NCOR1: variants seen among roughly 807,000 people sequenced by gnomAD.
NCOR1 encodes nuclear receptor corepressor 1.
In NCOR1, 63 loss-of-function variants were observed where a neutral mutation model predicts 288.1. That is an observed-to-expected ratio of 0.22 (90% confidence interval 0.18 to 0.27). The LOEUF is 0.27. Among genes scored for constraint, NCOR1 ranks in the 10% least tolerant of loss-of-function variants. NCOR1 has a pLI of 1.00. For missense variants in NCOR1, 2,397 were observed against 3,019.2 expected (o/e 0.79, Z 4.83); for synonymous variants, 1,007 against 1,065.9 (o/e 0.94, Z 1.08).
chr17:16,138,265 A>T (rs1302560713), intron 12 of NCOR1, 53 bp from the exon 13 acceptor site: 1 of 593,222 alleles, frequency 1.7e-6, no homozygotes, highest in Admixed American at 3.8e-5. Flanking sequence ...TTCAACAACT[A>T]AAAAAAAAAA....
At chr17:16,193,481 C>T (rs1032501859) in intron 2 of NCOR1, among the ~76,000 whole-genome samples, 1 of 152,162 alleles carries the variant, frequency 6.6e-6, no homozygotes, top group African/African-American at 2.4e-5. Context: ...GATCCACCCA[C>T]CTCAGCCTCC....
At chr17:16,212,078 C>A (rs777156624) in intron 1 of NCOR1, among the ~76,000 whole-genome samples, 1 of 151,898 alleles carries the variant, frequency 6.6e-6, no homozygotes. Context: ...GAGTTCAAGA[C>A]CAGCCTGACC....
rs1383752798 is a variant in NCOR1 at position 16,030,139 on chromosome 17, AAAGT to A, written c.*2153_*2156del. The stretch of plus-strand genomic sequence containing the variant: ...GTATTATATACTGTATTCTTACAAT[AAAGT>A]AAGCTAGAGAAGAGAAAATGTTTGT... On this transcript the variant is annotated 3_prime_UTR_variant, in exon 46 of 46. Transcript: ENST00000268712. 6 of 189,092 alleles carry A rather than the reference AAAGT, an allele frequency of 3.2e-5. No homozygotes were observed. Among genetic ancestry groups the A allele is most frequent in the Non-Finnish European group, 4.4e-5 (4 of 90,292 alleles). The allele number at this position is 189,092 out of a possible 1,614,324, so 11.7% of individuals were successfully genotyped here. A position where few individuals can be genotyped will look rare whatever the true frequency, so the allele number is the denominator to read the frequency against.
At chr17:16,130,473 G>T (rs765335145) in intron 14 of NCOR1, among the ~76,000 whole-genome samples, 10 of 152,076 alleles carry the variant, frequency 6.6e-5, no homozygotes, top group African/African-American at 2.4e-4. Flanking sequence ...GCAATGGCTC[G>T]TTGTCCAGGT....
At chr17:16,111,388 G>A (rs922103793) in intron 18 of NCOR1, among the ~76,000 whole-genome samples, 2 of 152,100 alleles carry the variant, frequency 1.3e-5, no homozygotes, top group East Asian at 3.9e-4. Context: ...GATAACTTGA[G>A]GCCAGGAGTT....
At position 16,057,942 on chromosome 17, in the gene NCOR1, T is replaced by A; in HGVS notation, c.6133A>T (p.Thr2045Ser). 1 of 1,614,108 alleles carries A rather than the reference T, an allele frequency of 6.2e-7. No homozygotes were observed. The highest frequency in any genetic ancestry group is 8.5e-7 in the Non-Finnish European group (1 of 1,180,002). Reference protein sequence around the residue: ...QAEGMGQVPRTHRLITLADHI... With the variant: ...QAEGMGQVPRSHRLITLADHI... ...TCAGCAAGTGTGATCAGCCGATGGG[T>A]CCTGGGCACTTGCCCCATTCCCTCT... is the stretch of plus-strand genomic sequence containing the variant. The change falls in exon 39 of 46, where the codon ACC (threonine) becomes TCC (serine). Residue 2045 changes from threonine (T) to serine (S), a missense_variant. Thr to Ser is a moderately conservative substitution (Grantham distance 58). Transcript: ENST00000268712.
At chr17:16,070,141 G>C (rs767705435) in intron 31 of NCOR1, 24 bp downstream of exon 31, 3 of 1,539,354 alleles carry the variant, frequency 1.9e-6, no homozygotes, top group Non-Finnish European at 2.6e-6. Flanking sequence ...AAAAGTATCA[G>C]ACCAAGCAAC....
chr17:16,087,821 A>T (rs1379736319), intron 22 of NCOR1, among the ~76,000 whole-genome samples: 1 of 152,232 alleles, frequency 6.6e-6, no homozygotes, highest in African/African-American at 2.4e-5. Context: ...TAATTCAAAA[A>T]TCCTACATAA....
At chr17:16,155,696 C>T (rs1224787678) in intron 6 of NCOR1, among the ~76,000 whole-genome samples, 1 of 152,214 alleles carries the variant, frequency 6.6e-6, no homozygotes, top group Admixed American at 6.5e-5. Flanking sequence ...TCTTAAGCCA[C>T]ACTTGGCTTA....
At chr17:16,049,557 C>T (rs1317236005) in intron 40 of NCOR1, among the ~76,000 whole-genome samples, 4 of 151,906 alleles carry the variant, frequency 2.6e-5, no homozygotes, top group Non-Finnish European at 4.4e-5. Context: ...ATAAGATAGA[C>T]ACACTGTTTA....
rs1280473962 is a variant in NCOR1, at chr17:16,127,265, A to ATATG, written c.1510-1063_1510-1060dup. Among the ~76,000 whole-genome samples, 12 of 103,958 alleles carry ATATG rather than the reference A, an allele frequency of 1.2e-4. 4 individuals are homozygous for ATATG. The highest frequency in any genetic ancestry group is 5.8e-4 in the Admixed American group (6 of 10,382). 68.2% of individuals were successfully genotyped at this position (103,958 alleles called of 152,430 possible). Reference sequence around the variant, plus strand: ...TATGTATGTATATATGTGTGTGTATATATGTATGTATATATACGTGTATAT... The same window carrying ATATG: ...TATGTATGTATATATGTGTGTGTATATATGTATGTATGTATATATACGTGTATAT... On this transcript the variant is annotated intron_variant, in intron 14 of 45. Transcript: ENST00000268712.
rs1487652173 is a variant in NCOR1, at chr17:16,077,439, TAAGGAAAGGGAAGGA to T, written c.3502-1752_3502-1738del. Among the ~76,000 whole-genome samples, 7 of 100,722 alleles carry T rather than the reference TAAGGAAAGGGAAGGA, an allele frequency of 6.9e-5. 1 individual carries two copies. In the Admixed American group the frequency reaches 7.6e-4, roughly 11 times the overall value. 66.1% of individuals were successfully genotyped at this position (100,722 alleles called of 152,430 possible). On this transcript the variant is annotated intron_variant, in intron 26 of 45. Transcript: ENST00000268712. ...AAGCAAAAAGGAAGGAAAGGAAAGG[TAAGGAAAGGGAAGGA>T]GAGGAGAGGGGAGGAGAGGGGAGGA...
intron 14 of NCOR1, among the ~76,000 whole-genome samples, chr17:16,132,141 C>A (rs1398237469): frequency 1.3e-5 from 2 of 152,078 alleles, no homozygotes; most frequent in African/African-American, 4.8e-5. Flanking sequence ...CTTCTGAATA[C>A]CTTTAGGGAA....
intron 19 of NCOR1, among the ~76,000 whole-genome samples, chr17:16,103,767 G>A (rs908908753): frequency 2.6e-5 from 4 of 152,268 alleles, no homozygotes; most frequent in African/African-American, 7.2e-5. Context: ...TGTAATCCCA[G>A]CACTTTGGGA....
Position 16,197,323 on chromosome 17 carries a change from A to T in NCOR1, c.-70-2684T>A, listed in dbSNP as rs1378999778. 2.0e-5 allele frequency among the ~76,000 whole-genome samples: 3 copies of T among 147,614 alleles called. No homozygotes were observed. The East Asian group carries it at 5.8e-4, about 29-fold the overall frequency. On this transcript the variant is annotated intron_variant, in intron 1 of 45. Coordinates refer to ENST00000268712, the MANE Select transcript of NCOR1 (RefSeq NM_006311.4). Reference sequence around the variant, plus strand: ...GTGAGGGGTCCAGACTCCGTCTCCAAAAAAAAAAAAAGAACTTTAAAAACT... The same window carrying T: ...GTGAGGGGTCCAGACTCCGTCTCCATAAAAAAAAAAAGAACTTTAAAAACT...
intron 1 of NCOR1, among the ~76,000 whole-genome samples, chr17:16,208,868 A>C (rs983379131): frequency 6.6e-6 from 1 of 152,138 alleles, no homozygotes; most frequent in African/African-American, 2.4e-5. Context: ...TATTTTGATA[A>C]TTTACTAATT....
chr17:16,044,681 G>A (rs1444138426), intron 42 of NCOR1: 1 of 672,174 alleles, frequency 1.5e-6, no homozygotes, highest in Non-Finnish European at 2.8e-6. Context: ...TGACAATGAG[G>A]TGACCATCAC....
rs2153056835 is a variant in NCOR1, at chr17:16,108,905, C to A, written c.2063G>T (p.Arg688Leu). The A allele has an allele frequency of 6.3e-7, 1 of 1,578,966 alleles. No homozygotes were observed. The highest frequency in any genetic ancestry group is 8.6e-7 in the Non-Finnish European group (1 of 1,162,714). Reference protein sequence around the residue: ...LLQQHKQKTSRKPREERDVSQ... With the variant: ...LLQQHKQKTSLKPREERDVSQ... ...CACATCTCGCTCTTCACGAGGTTTT[C>A]GTGAAGTCTAAAGGAGGAAAGAGTA... The change falls in exon 19 of 46, where the codon CGA (arginine) becomes CTA (leucine). Residue 688 changes from arginine (R) to leucine (L), a missense_variant. Transcript: ENST00000268712.
intron 18 of NCOR1, among the ~76,000 whole-genome samples, chr17:16,111,780 A>G (rs1169889611): frequency 1.3e-5 from 2 of 151,902 alleles, no homozygotes; most frequent in East Asian, 1.9e-4. Flanking sequence ...TTAAATCTCA[A>G]TCTTTCTTTC....
Sources: gnomAD v4.1 joint callset for allele counts (sites outside exome capture counted in the v4.1 genomes callset) on GRCh38, gnomAD v4.1.1 for gene constraint, MANE v1.5 for transcripts, NCBI Gene and HGNC (gene_info 2026-07-23, HGNC 2026-07-21) for gene names.